The following WDR49 variants were observed in gnomAD, a reference collection of about 807,000 sequenced individuals.
The protein encoded by WDR49 is cilia- and flagella-associated protein 337.
In WDR49, 107 loss-of-function variants were observed where a neutral mutation model predicts 119.5. That is an observed-to-expected ratio of 0.90 (90% confidence interval 0.77 to 1.05). The LOEUF (loss-of-function observed/expected upper bound fraction) is 1.05. Ranked by LOEUF, WDR49 falls within the 50% of genes least tolerant of loss-of-function variation. The pLI is 0.00. For missense variants in WDR49, 1,240 were observed against 1,220.5 expected (o/e 1.02, Z -0.24); for synonymous variants, 425 against 418.8 (o/e 1.01, Z -0.18).
intron 10 of WDR49, among the ~76,000 whole-genome samples, chr3:167,548,178 C>A (rs1172162270): frequency 6.6e-6 from 1 of 151,898 alleles, no homozygotes; most frequent in Non-Finnish European, 1.5e-5. Flanking sequence ...ACATTTTACA[C>A]AAAATTTCTT....
At chr3:167,585,148 A>C (rs890776846) in intron 7 of WDR49, among the ~76,000 whole-genome samples, 3 of 152,110 alleles carry the variant, frequency 2.0e-5, no homozygotes, top group Non-Finnish European at 4.4e-5. Flanking sequence ...GCCAATAAAT[A>C]TTTGCAAAAG....
intron 2 of WDR49, among the ~76,000 whole-genome samples, chr3:167,627,512 A>G (rs1218189491): frequency 6.6e-6 from 1 of 152,116 alleles, no homozygotes; most frequent in Non-Finnish European, 1.5e-5. Context: ...ACAAAAAGTC[A>G]ATCACAAAAG....
At chr3:167,567,348 T>A (rs1713663672) in intron 8 of WDR49, among the ~76,000 whole-genome samples, 1 of 152,198 alleles carries the variant, frequency 6.6e-6, no homozygotes, top group Admixed American at 6.5e-5. Context: ...ATCTTGAATT[T>A]CCCCAAAATT....
At chr3:167,550,353 G>A (rs1212878168) in intron 10 of WDR49, among the ~76,000 whole-genome samples, 2 of 151,936 alleles carry the variant, frequency 1.3e-5, no homozygotes, top group African/African-American at 2.4e-5. Context: ...ATTTGTTTGT[G>A]TCCTCTTTTA....
intron 5 of WDR49, among the ~76,000 whole-genome samples, chr3:167,616,066 T>A (rs114536301): frequency 1.3e-5 from 2 of 152,190 alleles, no homozygotes; most frequent in African/African-American, 4.8e-5. Flanking sequence ...TGGATCTAGA[T>A]AACAGAATTA....
intron 3 of WDR49, among the ~76,000 whole-genome samples, chr3:167,623,719 T>C (rs979962599): frequency 1.8e-4 from 27 of 151,886 alleles, no homozygotes; most frequent in African/African-American, 5.1e-4. Context: ...AGCAAGAAAA[T>C]GAAATTTTAA....
chr3:167,548,279 C>T (rs1712329880), intron 10 of WDR49, among the ~76,000 whole-genome samples: 1 of 151,954 alleles, frequency 6.6e-6, no homozygotes. Flanking sequence ...CCACTGACAG[C>T]TCAAGACTGG....
chr3:167,548,453 C>T (rs1183415946), intron 10 of WDR49, among the ~76,000 whole-genome samples: 1 of 151,948 alleles, frequency 6.6e-6, no homozygotes, highest in Non-Finnish European at 1.5e-5. Flanking sequence ...AAGGGGTAAT[C>T]ACTATATGAG....
At chr3:167,482,172 T>C (rs772367174) in intron 18 of WDR49, among the ~76,000 whole-genome samples, 1 of 152,144 alleles carries the variant, frequency 6.6e-6, no homozygotes, top group African/African-American at 2.4e-5. Flanking sequence ...GAGAAAAGTA[T>C]CTTGCATTAG....
chr3:167,647,169 C>T (rs1026083437), intron 2 of WDR49, among the ~76,000 whole-genome samples: 2 of 152,148 alleles, frequency 1.3e-5, no homozygotes, highest in Non-Finnish European at 2.9e-5. Flanking sequence ...TAAGCTGATG[C>T]ACTACACATG....
chr3:167,632,083 T>C (rs954759752), intron 2 of WDR49, among the ~76,000 whole-genome samples: 23 of 152,054 alleles, frequency 1.5e-4, no homozygotes, highest in African/African-American at 5.3e-4. Context: ...GCAAACTATT[T>C]CTGAAAACTA....
At chr3:167,608,844 GA>G (rs56877633) in intron 5 of WDR49, among the ~76,000 whole-genome samples, 4,823 of 151,228 alleles carry the variant, frequency 0.032, 220 homozygotes, top group East Asian at 0.18. Flanking sequence ...ACATTATAGA[GA>G]AAAAAAACAA....
intron 5 of WDR49, among the ~76,000 whole-genome samples, chr3:167,615,465 A>G (rs1185167987): frequency 1.3e-5 from 2 of 151,534 alleles, no homozygotes; most frequent in Non-Finnish European, 2.9e-5. Context: ...AAAAAAAAGA[A>G]AGAAAGAAAT....
rs200934043 is a variant in WDR49, at chr3:167,596,870, TAATAAATA to T, written c.1275+5249_1275+5256del. Reference sequence around the variant, plus strand: ...ATGTACCCTAAAACTTAAAGTATAATAATAAATAAATAAATAAATAAATAAATAAATAA... The same window carrying T: ...ATGTACCCTAAAACTTAAAGTATAATAATAAATAAATAAATAAATAAATAA... On this transcript the variant is annotated intron_variant, in intron 7 of 18. Transcript: ENST00000682715. Among the ~76,000 whole-genome samples, 516 of 141,346 alleles carry T rather than the reference TAATAAATA, an allele frequency of 3.7e-3. 5 individuals are homozygous for T. The highest frequency in any genetic ancestry group is 0.012 in the African/African-American group (454 of 37,748). The allele number at this position is 141,346 out of a possible 152,430, so 92.7% of individuals were successfully genotyped here.
At chr3:167,643,577 C>A (rs1413776706) in intron 2 of WDR49, among the ~76,000 whole-genome samples, 1 of 152,036 alleles carries the variant, frequency 6.6e-6, no homozygotes, top group African/African-American at 2.4e-5. Flanking sequence ...ATTTTAATAT[C>A]AACCTTTTCA....
At chr3:167,527,556 GA>G (rs1752680395) in intron 15 of WDR49, among the ~76,000 whole-genome samples, 1 of 151,948 alleles carries the variant, frequency 6.6e-6, no homozygotes, top group Non-Finnish European at 1.5e-5. Context: ...TTCTAGAGGA[GA>G]ATTTTTTCTC....
intron 15 of WDR49, among the ~76,000 whole-genome samples, chr3:167,526,464 C>T (rs1463724170): frequency 6.6e-6 from 1 of 152,158 alleles, no homozygotes; most frequent in Non-Finnish European, 1.5e-5. Flanking sequence ...GTCAGCAATG[C>T]TTTGGCTTCT....
At chr3:167,485,179 A>G (rs998750156) in intron 18 of WDR49, among the ~76,000 whole-genome samples, 1 of 151,836 alleles carries the variant, frequency 6.6e-6, no homozygotes, top group Admixed American at 6.6e-5. Context: ...AACATCACAC[A>G]CCAGGGTCTA....
At chr3:167,497,268 A>G (rs564706251) in intron 18 of WDR49, among the ~76,000 whole-genome samples, 26 of 152,348 alleles carry the variant, frequency 1.7e-4, no homozygotes, top group Admixed American at 7.8e-4. Context: ...AGCTTTTAAA[A>G]GAAAATTATT....
Sources: gnomAD v4.1 joint callset for allele counts (sites outside exome capture counted in the v4.1 genomes callset) on GRCh38, gnomAD v4.1.1 for gene constraint, MANE v1.5 for transcripts, NCBI Gene and HGNC (gene_info 2026-07-23, HGNC 2026-07-21) for gene names.